Variants in LRRC37A2 observed in about 807,000 individuals in gnomAD.
The protein encoded by LRRC37A2 is leucine rich repeat containing 37 member A2, also known as leucine-rich repeat-containing protein 37A2.
Under a neutral mutation model 68.8 loss-of-function variants are expected in LRRC37A2, and 9 were observed. That is an observed-to-expected ratio of 0.13 (90% CI 0.08 to 0.23). The LOEUF is 0.23. Ranked by LOEUF, LRRC37A2 falls within the 10% of genes least tolerant of loss-of-function variation. The pLI is 1.00. For missense variants in LRRC37A2, 168 were observed against 950.4 expected (o/e 0.18, Z 10.82); for synonymous variants, 63 against 367.6 (o/e 0.17, Z 9.48).
the LRRC37A2 span, among the ~76,000 whole-genome samples, chr17:46,994,232 A>G: frequency 6.6e-6 from 1 of 152,048 alleles, no homozygotes; most frequent in African/African-American, 2.4e-5. Context: ...TAAAAATACA[A>G]TAATTAGCCA....
At chr17:46,980,533 A>C in the LRRC37A2 span, among the ~76,000 whole-genome samples, 1 of 151,892 alleles carries the variant, frequency 6.6e-6, no homozygotes, top group Non-Finnish European at 1.5e-5. Flanking sequence ...CTGTAGAATC[A>C]AAAAGTAGGC....
the LRRC37A2 span, among the ~76,000 whole-genome samples, chr17:46,414,419 G>A: frequency 1.5e-5 from 2 of 137,660 alleles, no homozygotes; most frequent in Middle Eastern, 8.0e-3. Context: ...TGGAATGGGA[G>A]TTCCGTAAGG....
the LRRC37A2 span, among the ~76,000 whole-genome samples, chr17:46,806,394 A>T: frequency 6.6e-6 from 1 of 151,542 alleles, no homozygotes; most frequent in African/African-American, 2.4e-5. Context: ...TTTTTAGTAG[A>T]GTTGGGGTTT....
the LRRC37A2 span, among the ~76,000 whole-genome samples, chr17:46,959,168 G>A: frequency 1.3e-5 from 2 of 152,196 alleles, no homozygotes; most frequent in Admixed American, 6.5e-5. Context: ...AGGAGGTTGG[G>A]CGTAGTGGCA....
chr17:46,863,268 G>C, the LRRC37A2 span, among the ~76,000 whole-genome samples: 1 of 152,248 alleles, frequency 6.6e-6, no homozygotes, highest in South Asian at 2.1e-4. Context: ...ACTGCAGGGA[G>C]GCTGAGGGAC....
At chr17:46,945,222 T>C in the LRRC37A2 span, among the ~76,000 whole-genome samples, 8 of 152,172 alleles carry the variant, frequency 5.3e-5, no homozygotes, top group African/African-American at 1.7e-4. Flanking sequence ...TGAGGCCTGA[T>C]GTGCTGTCTT....
the LRRC37A2 span, chr17:46,978,521 C>CGGGCGCCCCAGGCACGTAGCT: frequency 4.6e-3 from 5,659 of 1,222,994 alleles, 24 homozygotes; most frequent in Non-Finnish European, 5.7e-3. Context: ...CGTCCCCGCC[C>CGGGCGCCCCAGGCACGTAGCT]GGGCGCCCCA....
At chr17:46,823,137 T>TTTA in the LRRC37A2 span, among the ~76,000 whole-genome samples, 17 of 131,474 alleles carry the variant, frequency 1.3e-4, no homozygotes, top group African/African-American at 4.1e-4. Flanking sequence ...ATTATATATA[T>TTTA]TATATTATAT....
At chr17:46,951,498 C>T in the LRRC37A2 span, among the ~76,000 whole-genome samples, 3 of 152,204 alleles carry the variant, frequency 2.0e-5, no homozygotes, top group Non-Finnish European at 4.4e-5. Flanking sequence ...GAGAGAGCCT[C>T]CTGGGAGGTG....
chr17:47,026,818 T>C, the LRRC37A2 span, among the ~76,000 whole-genome samples: 5 of 152,208 alleles, frequency 3.3e-5, no homozygotes, highest in Non-Finnish European at 7.3e-5. Context: ...TCCTTTCAAA[T>C]GATGTGAAAG....
At chr17:46,770,778 A>C in the LRRC37A2 span, among the ~76,000 whole-genome samples, 31 of 151,672 alleles carry the variant, frequency 2.0e-4, no homozygotes, top group African/African-American at 7.3e-4. Context: ...GAAAGGAGAG[A>C]CTCTCAAGGG....
At chr17:46,800,083 C>T in the LRRC37A2 span, among the ~76,000 whole-genome samples, 1 of 152,186 alleles carries the variant, frequency 6.6e-6, no homozygotes. Context: ...AGTCTGATTC[C>T]TGGGCCAAGT....
At chr17:46,770,005 G>A in the LRRC37A2 span, 1 of 1,591,600 alleles carries the variant, frequency 6.3e-7, no homozygotes, top group African/African-American at 1.3e-5. Context: ...CGAAGGCCAC[G>A]CCGGCCGAGG....
the LRRC37A2 span, among the ~76,000 whole-genome samples, chr17:46,959,575 C>G: frequency 6.6e-6 from 1 of 152,182 alleles, no homozygotes; most frequent in Non-Finnish European, 1.5e-5. Flanking sequence ...GAGCTTATTA[C>G]TATTATAAAT....
the LRRC37A2 span, chr17:46,935,417 A>G: frequency 1.8e-5 from 25 of 1,425,662 alleles, no homozygotes; most frequent in Non-Finnish European, 2.0e-5. Context: ...GTCTTTTCCC[A>G]TTTACTGAAC....
At chr17:46,740,277 G>A in the LRRC37A2 span, among the ~76,000 whole-genome samples, 2 of 152,144 alleles carry the variant, frequency 1.3e-5, no homozygotes, top group African/African-American at 2.4e-5. Flanking sequence ...GAGCAATGTG[G>A]GCTCTGTAGG....
At chr17:46,873,450 C>T in the LRRC37A2 span, among the ~76,000 whole-genome samples, 1 of 152,008 alleles carries the variant, frequency 6.6e-6, no homozygotes. Context: ...GACTCCCTTG[C>T]CAAGGGGAAA....
chr17:46,743,655 CT>C, the LRRC37A2 span, among the ~76,000 whole-genome samples: 1 of 152,158 alleles, frequency 6.6e-6, no homozygotes, highest in Admixed American at 6.5e-5. Context: ...GCATAAGACA[CT>C]GGTTAAAAGG....
downstream of LRRC37A2, among the ~76,000 whole-genome samples, chr17:46,558,379 T>TGC (rs1400596397): frequency 2.8e-5 from 3 of 106,842 alleles, no homozygotes; most frequent in African/African-American, 1.2e-4. Flanking sequence ...TTTTGGGGTT[T>TGC]TTTTTGTGTT....
Sources: allele counts gnomAD v4.1 joint callset (sites outside exome capture counted in the v4.1 genomes callset), GRCh38; gene constraint gnomAD v4.1.1; transcripts MANE v1.5; gene names NCBI Gene and HGNC (gene_info 2026-07-23, HGNC 2026-07-21).